Variants in KSR2 observed in about 807,000 individuals in gnomAD.
The protein encoded by KSR2 is kinase suppressor of ras 2.
In KSR2, 25 loss-of-function variants were observed where a neutral mutation model predicts 107.8. That is an observed-to-expected ratio of 0.23 (90% CI 0.17 to 0.32). The LOEUF (loss-of-function observed/expected upper bound fraction) is 0.32, where lower values mean the gene tolerates loss of function less well. KSR2 is among the 10% of genes least tolerant of loss of function. The pLI is 1.00. For missense variants in KSR2, 887 were observed against 1,268.9 expected (o/e 0.70, Z 4.57); for synonymous variants, 480 against 507.0 (o/e 0.95, Z 0.71).
intron 3 of KSR2, among the ~76,000 whole-genome samples, chr12:117,775,787 C>T (rs1053442119): frequency 2.6e-5 from 4 of 152,112 alleles, no homozygotes; most frequent in Non-Finnish European, 4.4e-5. Flanking sequence ...GCATTCACAG[C>T]GACCTGGATG....
Position 117,733,730 on chromosome 12 carries a change from C to T in KSR2, c.986+27281G>A, listed in dbSNP as rs1887823017. Among the ~76,000 whole-genome samples, 4 of 152,156 alleles carry T rather than the reference C, an allele frequency of 2.6e-5. No homozygotes were observed. The South Asian group carries it at 8.3e-4, about 32-fold the overall frequency. On this transcript the variant is annotated intron_variant, in intron 4 of 19. Transcript: ENST00000339824. The stretch of plus-strand genomic sequence containing the variant: ...TGCCCGAATCTTACTTCCCCTACCC[C>T]AGCCCTTTCCCCTCTGAATTATAAT...
At chr12:117,625,899 A>G (rs554726019) in intron 5 of KSR2, among the ~76,000 whole-genome samples, 9 of 152,318 alleles carry the variant, frequency 5.9e-5, no homozygotes, top group African/African-American at 1.9e-4. Context: ...TAGTCTATTC[A>G]GAGATTCAAT....
rs142520302 is a variant in KSR2 at position 117,542,903 on chromosome 12, C to A, written c.1519-3016G>T. On this transcript the variant is annotated intron_variant, in intron 9 of 19. Transcript: ENST00000339824. ...CACTCAGAATAATTCTCTATAGATTCATCCAAGTTGTTGCAGGTATCGATA... is the reference window on the plus strand; with the variant it reads ...CACTCAGAATAATTCTCTATAGATTAATCCAAGTTGTTGCAGGTATCGATA... Among the ~76,000 whole-genome samples the A allele has an allele frequency of 9.3e-3, 1,422 of 152,288 alleles. 25 individuals are homozygous for A. The highest frequency in any genetic ancestry group is 0.032 in the African/African-American group (1,334 of 41,536).
chr12:117,690,099 C>T, intron 4 of KSR2, among the ~76,000 whole-genome samples: 1 of 152,136 alleles, frequency 6.6e-6, no homozygotes, highest in Non-Finnish European at 1.5e-5. Flanking sequence ...ACTTTATTTA[C>T]AAAAACAGGC....
chr12:117,775,623 C>A (rs1162947684), intron 3 of KSR2, among the ~76,000 whole-genome samples: 1 of 152,198 alleles, frequency 6.6e-6, no homozygotes, highest in Non-Finnish European at 1.5e-5. Context: ...AAACATACTG[C>A]ACATCTGAAT....
intron 5 of KSR2, among the ~76,000 whole-genome samples, chr12:117,648,621 C>G (rs77730797): frequency 6.6e-6 from 1 of 152,326 alleles, no homozygotes; most frequent in African/African-American, 2.4e-5. Flanking sequence ...CTACAGTCTT[C>G]ACCATAACCT....
At chr12:117,610,740 A>AC (rs1207624021) in intron 5 of KSR2, among the ~76,000 whole-genome samples, 1 of 149,026 alleles carries the variant, frequency 6.7e-6, no homozygotes, top group African/African-American at 2.5e-5. Flanking sequence ...CCCTGTCTCA[A>AC]AAAAAAAAAA....
chr12:117,804,119 T>C (rs758631444), intron 3 of KSR2, among the ~76,000 whole-genome samples: 41 of 152,320 alleles, frequency 2.7e-4, no homozygotes, highest in Admixed American at 5.2e-4. Context: ...CTCGGCTCAC[T>C]GCAACCTCTG....
Position 117,815,631 on chromosome 12 carries a change from GA to G in KSR2, c.472+39796del, listed in dbSNP as rs958914205. ...ACAGTATATATGCTAAAGAGTGCATGAAAAAAAAGTAAGTACTATGAAAAAG... is the reference window on the plus strand; with the variant it reads ...ACAGTATATATGCTAAAGAGTGCATGAAAAAAAGTAAGTACTATGAAAAAG... On this transcript the variant is annotated intron_variant, in intron 3 of 19. Coordinates refer to ENST00000339824, the MANE Select transcript of KSR2 (RefSeq NM_173598.6). Among the ~76,000 whole-genome samples the G allele has an allele frequency of 1.3e-3, 190 of 151,924 alleles. 1 individual carries two copies. Among genetic ancestry groups the G allele is most frequent in the Admixed American group, 3.2e-3 (49 of 15,258 alleles).
chr12:117,703,961 A>G (rs1374558638), intron 4 of KSR2, among the ~76,000 whole-genome samples: 2 of 152,242 alleles, frequency 1.3e-5, no homozygotes, highest in Non-Finnish European at 2.9e-5. Flanking sequence ...ACTGGGATGC[A>G]TTAACATAAA....
intron 5 of KSR2, among the ~76,000 whole-genome samples, chr12:117,598,348 T>C (rs1386322858): frequency 6.6e-6 from 1 of 152,246 alleles, no homozygotes; most frequent in African/African-American, 2.4e-5. Flanking sequence ...TTCCATGGTG[T>C]ATATACGTAT....
chr12:117,680,621 A>G (rs952016270), intron 4 of KSR2, among the ~76,000 whole-genome samples: 2 of 152,206 alleles, frequency 1.3e-5, no homozygotes, highest in African/African-American at 4.8e-5. Flanking sequence ...TGTGCTTAGC[A>G]AAAGACTGGA....
intron 1 of KSR2, among the ~76,000 whole-genome samples, chr12:117,877,262 G>A (rs567289345): frequency 3.3e-5 from 5 of 152,166 alleles, no homozygotes; most frequent in South Asian, 4.2e-4. Flanking sequence ...GCTTGAGCTC[G>A]GGAAGTGGAG....
At position 117,461,981 on chromosome 12, in the gene KSR2, G is replaced by A. The variant is rs796874644; in HGVS notation, c.*5218C>T. On this transcript the variant is annotated 3_prime_UTR_variant, in exon 20 of 20. Transcript: ENST00000339824. ...AGGCACATTCAGGGGTCAAGTGACA[G>A]TCCGCTACAGACAAGCCACTTACAC... 4.8e-4 allele frequency: 73 copies of A among 152,338 alleles called. No homozygotes were observed. Among genetic ancestry groups the A allele is most frequent in the African/African-American group, 1.7e-3 (71 of 41,562 alleles). 9.4% of individuals were successfully genotyped at this position (152,338 alleles called of 1,614,324 possible).
At chr12:117,911,287 G>C (rs1248989507) in intron 1 of KSR2, among the ~76,000 whole-genome samples, 1 of 152,118 alleles carries the variant, frequency 6.6e-6, no homozygotes, top group Non-Finnish European at 1.5e-5. Context: ...CAGAGGACAT[G>C]ATGTCTGCCA....
chr12:117,894,227 A>G (rs7960543), intron 1 of KSR2, among the ~76,000 whole-genome samples: 5,442 of 152,318 alleles, frequency 0.036, 303 homozygotes, highest in African/African-American at 0.12. Context: ...TTAAATAAAG[A>G]CAGGCTCTAA....
chr12:117,798,665 A>G (rs1473186666), intron 3 of KSR2, among the ~76,000 whole-genome samples: 1 of 150,960 alleles, frequency 6.6e-6, no homozygotes, highest in Non-Finnish European at 1.5e-5. Context: ...AAAAGTTACT[A>G]AAGAAATAGA....
chr12:117,674,671 T>C (rs2136511796), intron 4 of KSR2, among the ~76,000 whole-genome samples: 1 of 152,356 alleles, frequency 6.6e-6, no homozygotes, highest in Non-Finnish European at 1.5e-5. Context: ...TGTTCTAGCA[T>C]GGATCACCAC....
intron 17 of KSR2, among the ~76,000 whole-genome samples, chr12:117,473,222 T>G (rs748114601): frequency 8.5e-5 from 13 of 152,180 alleles, no homozygotes; most frequent in Non-Finnish European, 1.8e-4. Flanking sequence ...GGACACTGCA[T>G]GGTGTGGCAC....
Sources: allele counts gnomAD v4.1 joint callset (sites outside exome capture counted in the v4.1 genomes callset), GRCh38; gene constraint gnomAD v4.1.1; transcripts MANE v1.5; gene names NCBI Gene and HGNC (gene_info 2026-07-23, HGNC 2026-07-21).